Variants in DPP6 observed in about 807,000 individuals in gnomAD.
DPP6 encodes the protein dipeptidyl peptidase like 6.
Under a neutral mutation model 122.6 loss-of-function variants are expected in DPP6, and 69 were observed. The observed-to-expected ratio is 0.56, with a 90% CI of 0.46 to 0.69. DPP6 has a LOEUF of 0.69. DPP6 is among the 30% of genes least tolerant of loss of function. The pLI is 0.00. For synonymous variants in DPP6, 418 were observed against 433.1 expected (o/e 0.97, Z 0.43); for missense variants, 928 against 1,116.9 (o/e 0.83, Z 2.41).
intron 1 of DPP6, among the ~76,000 whole-genome samples, chr7:154,408,682 G>C (rs2151200995): frequency 6.6e-6 from 1 of 151,742 alleles, no homozygotes; most frequent in Admixed American, 6.6e-5. Flanking sequence ...CTCTGTTCCA[G>C]ACCCTAATGC....
At chr7:153,896,239 C>T (rs376867020) in intron 1 of DPP6, among the ~76,000 whole-genome samples, 1 of 152,218 alleles carries the variant, frequency 6.6e-6, no homozygotes, top group African/African-American at 2.4e-5. Context: ...CCTCCACTGA[C>T]AGAAACTCAA....
intron 1 of DPP6, among the ~76,000 whole-genome samples, chr7:154,152,598 T>G (rs1182700918): frequency 7.9e-5 from 12 of 152,254 alleles, no homozygotes. Context: ...ATTAGAACAT[T>G]ATCAGGATGT....
intron 3 of DPP6, among the ~76,000 whole-genome samples, chr7:154,513,571 G>A (rs1465115856): frequency 1.3e-5 from 2 of 152,142 alleles, no homozygotes; most frequent in Admixed American, 6.5e-5. Context: ...AACTCTAGGG[G>A]TGAAGCAAGG....
chr7:154,297,325 G>C (rs1189624297), intron 1 of DPP6, among the ~76,000 whole-genome samples: 5 of 152,178 alleles, frequency 3.3e-5, no homozygotes, highest in African/African-American at 4.8e-5. Flanking sequence ...CCATTAGACA[G>C]TCTATAAGTA....
At chr7:154,010,451 C>T (rs183354832) in intron 1 of DPP6, among the ~76,000 whole-genome samples, 1,891 of 152,284 alleles carry the variant, frequency 0.012, 47 homozygotes, top group African/African-American at 0.042. Flanking sequence ...ATCAATTAAA[C>T]GAGAATTATT....
At chr7:154,389,018 C>G (rs1269335947) in intron 1 of DPP6, among the ~76,000 whole-genome samples, 1 of 152,128 alleles carries the variant, frequency 6.6e-6, no homozygotes, top group Non-Finnish European at 1.5e-5. Context: ...GAGCAGTAGA[C>G]CTGCTGTAGT....
chr7:154,805,138 G>A (rs1270359810), intron 15 of DPP6, among the ~76,000 whole-genome samples, 174 bp downstream of exon 15: 7 of 152,240 alleles, frequency 4.6e-5, no homozygotes, highest in African/African-American at 1.7e-4. Context: ...GGCCACCAAA[G>A]GGGTAGTTTT....
intron 1 of DPP6, among the ~76,000 whole-genome samples, chr7:153,960,521 A>T (rs530688581): frequency 1.3e-5 from 2 of 151,622 alleles, no homozygotes; most frequent in East Asian, 3.9e-4. Flanking sequence ...TGAAAGCTGG[A>T]AAGAGTGAGT....
chr7:154,496,814 G>A (rs1824781338), intron 3 of DPP6, among the ~76,000 whole-genome samples: 1 of 152,200 alleles, frequency 6.6e-6, no homozygotes, highest in African/African-American at 2.4e-5. Flanking sequence ...GTGTTCACGT[G>A]ACACCTGCTT....
intron 1 of DPP6, among the ~76,000 whole-genome samples, chr7:154,298,541 C>G (rs540954247): frequency 6.6e-6 from 1 of 152,152 alleles, no homozygotes; most frequent in Non-Finnish European, 1.5e-5. Flanking sequence ...CCAGATCACC[C>G]GGGTGTGATT....
chr7:154,651,651 C>T (rs1157805951), intron 6 of DPP6, among the ~76,000 whole-genome samples: 1 of 152,148 alleles, frequency 6.6e-6, no homozygotes, highest in Non-Finnish European at 1.5e-5. Flanking sequence ...AAAATAGTCT[C>T]GAAGGACTGT....
rs1316467314 is a variant in DPP6, at chr7:154,879,397, G to A, written c.2079-1491G>A. Among the ~76,000 whole-genome samples the A allele has an allele frequency of 4.2e-4, 53 of 124,972 alleles. 7 individuals carry two copies. Among genetic ancestry groups the A allele is most frequent in the Middle Eastern group, 8.1e-3 (2 of 248 alleles). 82.0% of individuals were successfully genotyped at this position (124,972 alleles called of 152,430 possible). A position where few individuals can be genotyped will look rare whatever the true frequency, so the allele number is the denominator to read the frequency against. ...AGATCGAGACCATCCTGGCTAACAC[G>A]GTGAAACCCCGTCTCTACTAAAAAA... On this transcript the variant is annotated intron_variant, in intron 20 of 25. Coordinates refer to ENST00000377770, the MANE Select transcript of DPP6 (RefSeq NM_130797.4).
At chr7:154,767,047 G>A (rs1295485706) in intron 8 of DPP6, among the ~76,000 whole-genome samples, 7 of 152,186 alleles carry the variant, frequency 4.6e-5, no homozygotes, top group Non-Finnish European at 1.0e-4. Flanking sequence ...AAAGAAATGA[G>A]TTGTCTCTTC....
chr7:154,264,158 G>A (rs1302492648), intron 1 of DPP6, among the ~76,000 whole-genome samples: 1 of 152,190 alleles, frequency 6.6e-6, no homozygotes, highest in Non-Finnish European at 1.5e-5. Context: ...CAAAGAGTGT[G>A]AGAGGTGCAT....
At chr7:154,788,749 C>T (rs553446501) in intron 10 of DPP6, among the ~76,000 whole-genome samples, 1 of 152,236 alleles carries the variant, frequency 6.6e-6, no homozygotes, top group East Asian at 1.9e-4. Flanking sequence ...ACAGAAGTTT[C>T]GTCCTCTTTG....
chr7:154,305,534 G>C, intron 1 of DPP6: 8 of 1,604,156 alleles, frequency 5.0e-6, no homozygotes, highest in East Asian at 2.2e-5. Context: ...GGGGAAATCC[G>C]TGCAGCAGCA....
intron 6 of DPP6, among the ~76,000 whole-genome samples, chr7:154,643,038 T>C (rs1479890808): frequency 9.2e-5 from 14 of 152,228 alleles, no homozygotes; most frequent in Non-Finnish European, 1.9e-4. Context: ...CAGACTTTAG[T>C]TTCTAGCCAT....
At chr7:153,998,594 T>C (rs1405891368) in intron 1 of DPP6, among the ~76,000 whole-genome samples, 3 of 152,184 alleles carry the variant, frequency 2.0e-5, no homozygotes, top group Non-Finnish European at 2.9e-5. Flanking sequence ...AGCAGTGGAA[T>C]GCACATCAGA....
At chr7:154,705,665 G>C (rs3807248) in intron 7 of DPP6, among the ~76,000 whole-genome samples, 114,923 of 152,180 alleles carry the variant, frequency 0.76, 45,485 homozygotes, top group Non-Finnish European at 0.88. Flanking sequence ...CCCATTGTGG[G>C]GGCCAGGGCT....
Sources: allele counts gnomAD v4.1 joint callset (sites outside exome capture counted in the v4.1 genomes callset), GRCh38; gene constraint gnomAD v4.1.1; transcripts MANE v1.5; gene names NCBI Gene and HGNC (gene_info 2026-07-23, HGNC 2026-07-21).